The following BCL11B variants were observed in gnomAD, a reference collection of about 807,000 sequenced individuals.
BCL11B encodes B-cell lymphoma/leukemia 11B.
BCL11B carries 8 observed loss-of-function variants against 49.9 expected under a neutral mutation model. The ratio of observed to expected loss-of-function variants is 0.16; its 90% CI spans 0.09 to 0.29. BCL11B has a LOEUF of 0.29. Ranked by LOEUF, BCL11B falls within the 10% of genes least tolerant of loss-of-function variation. The pLI is 1.00. For missense variants in BCL11B, 1,006 were observed against 1,351.0 expected (o/e 0.74, Z 4.00); for synonymous variants, 739 against 637.4 (o/e 1.16, Z -2.40).
rs747274912 is a variant in BCL11B, at chr14:99,228,575, G to A, written c.640+2770C>T. Among the ~76,000 whole-genome samples the A allele has an allele frequency of 4.9e-4, 75 of 152,172 alleles. No individual in the cohort carries two copies. The highest frequency in any genetic ancestry group is 1.0e-3 in the Admixed American group (16 of 15,278). ...GGAACAGGACACTGCCCTTCCTCAC[G>A]TCCCTCCCAGAGCACTGCAATCAAG... On this transcript the variant is annotated intron_variant, in intron 3 of 3. Transcript: ENST00000357195. The surrounding 1 kb of genome is among the most constrained non-coding windows in gnomAD (Gnocchi z 4.8).
rs562504229 is a variant in BCL11B at position 99,182,279 on chromosome 14, C to T, written c.641-6084G>A. Among the ~76,000 whole-genome samples the T allele has an allele frequency of 1.3e-4, 20 of 152,302 alleles. No individual in the cohort carries two copies. In the South Asian group the frequency reaches 3.7e-3, roughly 28 times the overall value. Reference sequence around the variant, plus strand: ...CTCCAACAACCCCTGCAGTACCCACCGTCATGATGACCATTTTACAGATGA... The same window carrying T: ...CTCCAACAACCCCTGCAGTACCCACTGTCATGATGACCATTTTACAGATGA... On this transcript the variant is annotated intron_variant, in intron 3 of 3. Transcript: ENST00000357195.
At chr14:99,230,211 A>G (rs774458439) in intron 3 of BCL11B, among the ~76,000 whole-genome samples, 1 of 152,204 alleles carries the variant, frequency 6.6e-6, no homozygotes, top group Non-Finnish European at 1.5e-5. Flanking sequence ...AGCTGTGGCC[A>G]TGGCTTTTGC....
chr14:99,214,956 T>G (rs1452534692), intron 3 of BCL11B, among the ~76,000 whole-genome samples: 1 of 151,760 alleles, frequency 6.6e-6, no homozygotes, highest in African/African-American at 2.4e-5. Context: ...CATGCAGGGG[T>G]GGGGGATGCG....
intron 2 of BCL11B, among the ~76,000 whole-genome samples, chr14:99,253,213 C>T (rs1274273261): frequency 1.3e-5 from 2 of 152,248 alleles, no homozygotes; most frequent in Non-Finnish European, 2.9e-5. Context: ...AAAGCCTGTG[C>T]TCCCTCACCT....
rs1400715470 is a variant in BCL11B at position 99,199,652 on chromosome 14, G to C, written c.641-23457C>G. On this transcript the variant is annotated intron_variant, in intron 3 of 3. Transcript: ENST00000357195. ...TTCTGGCTAAATGCTGTGTGTGTGT[G>C]TGTGTGTGTGTGTGTGTGTGTGTGT... Among the ~76,000 whole-genome samples, 103 of 79,298 alleles carry C rather than the reference G, an allele frequency of 1.3e-3. 1 individual carries two copies. Among genetic ancestry groups the C allele is most frequent in the South Asian group, 3.3e-3 (10 of 3,040 alleles). 52.0% of individuals were successfully genotyped at this position (79,298 alleles called of 152,430 possible).
In BCL11B at chr14:99,231,770, G is replaced by A. The variant is rs1030625519; in HGVS notation, c.428-213C>T. Among the ~76,000 whole-genome samples, 52 of 152,102 alleles carry A rather than the reference G, an allele frequency of 3.4e-4. No individual in the cohort carries two copies. Among genetic ancestry groups the A allele is most frequent in the Middle Eastern group, 3.4e-3 (1 of 294 alleles). ...GGGCAGGGGGCACTGGGGAGGGCCC[G>A]GTTTCCACAGCTGCCAGGCTGGGCT... On this transcript the variant is annotated intron_variant, in intron 2 of 3. Transcript: ENST00000357195. This position sits in a 1 kb window ranked among gnomAD's most constrained non-coding sequence, Gnocchi z 8.1.
rs1329999316 is a variant in BCL11B at position 99,194,641 on chromosome 14, G to A, written c.641-18446C>T. On this transcript the variant is annotated intron_variant, in intron 3 of 3. Coordinates refer to ENST00000357195, the MANE Select transcript of BCL11B (RefSeq NM_138576.4). The surrounding 1 kb of genome is among the most constrained non-coding windows in gnomAD (Gnocchi z 4.6). ...CCTTGTCTGCAAAATGGCCCCCAGA[G>A]GAAGCTAATATTTTCCCTGTCACTC... Among the ~76,000 whole-genome samples the A allele has an allele frequency of 6.6e-6, 1 of 152,224 alleles. No homozygotes were observed. Among genetic ancestry groups the A allele is most frequent in the African/African-American group, 2.4e-5 (1 of 41,464 alleles).
Position 99,175,705 on chromosome 14 carries a change from C to A in BCL11B, c.1131G>T (p.Pro377=), listed in dbSNP as rs754605021. 2.7e-6 allele frequency: 4 copies of A among 1,500,716 alleles called. No homozygotes were observed. The South Asian group carries it at 3.9e-5, about 15-fold the overall frequency. 93.0% of individuals were successfully genotyped at this position (1,500,716 alleles called of 1,614,324 possible). A position where few individuals can be genotyped will look rare whatever the true frequency, so the allele number is the denominator to read the frequency against. Reference sequence around the variant, plus strand: ...TGCCGCGGCCCGGGGACACGGGCGGCGGCGTGGAGCTGTTGCCCGCCAGCT... The same window carrying A: ...TGCCGCGGCCCGGGGACACGGGCGGAGGCGTGGAGCTGTTGCCCGCCAGCT... ...LRELAGNSST[P]PPVSPGRGNP... Residue 377 remains proline, a synonymous_variant, in exon 4 of 4, where the codon CCG becomes CCT. Coordinates refer to ENST00000357195, the MANE Select transcript of BCL11B (RefSeq NM_138576.4).
intron 3 of BCL11B, among the ~76,000 whole-genome samples, chr14:99,212,420 T>G (rs538739872): frequency 2.0e-5 from 3 of 152,118 alleles, no homozygotes; most frequent in Non-Finnish European, 4.4e-5. Context: ...TCTGGCCACA[T>G]TGGGTGTCTG....
intron 3 of BCL11B, among the ~76,000 whole-genome samples, chr14:99,206,957 G>A (rs1182247920): frequency 6.6e-6 from 1 of 152,110 alleles, no homozygotes; most frequent in Non-Finnish European, 1.5e-5. Flanking sequence ...ATAGATAAAG[G>A]CCCGGTCTTA....
intron 3 of BCL11B, among the ~76,000 whole-genome samples, chr14:99,203,478 G>A (rs1887444369): frequency 6.6e-6 from 1 of 152,208 alleles, no homozygotes; most frequent in South Asian, 2.1e-4. Context: ...GAAAGGAAAG[G>A]TGCACCACGT....
intron 2 of BCL11B, among the ~76,000 whole-genome samples, chr14:99,234,855 CAAAAAA>C (rs34831762): frequency 1.4e-4 from 9 of 66,634 alleles, no homozygotes; most frequent in African/African-American, 4.9e-4. Context: ...GGTCTATGCA[CAAAAAA>C]AAAAAAAAAA....
rs145479367 is a variant in BCL11B at position 99,185,532 on chromosome 14, C to A, written c.641-9337G>T. Among the ~76,000 whole-genome samples, 173 of 151,688 alleles carry A rather than the reference C, an allele frequency of 1.1e-3. 3 individuals are homozygous for A. The highest frequency in any genetic ancestry group is 3.8e-3 in the African/African-American group (157 of 41,052). On this transcript the variant is annotated intron_variant, in intron 3 of 3. Transcript: ENST00000357195. Reference sequence around the variant, plus strand: ...TGCCCAGGCCAAGGAGGGAAAGGTCCGCAAGGTAGGGAGCTGTGTGAGCAC... The same window carrying A: ...TGCCCAGGCCAAGGAGGGAAAGGTCAGCAAGGTAGGGAGCTGTGTGAGCAC...
chr14:99,220,819 G>T (rs1887986385), intron 3 of BCL11B, among the ~76,000 whole-genome samples: 1 of 152,124 alleles, frequency 6.6e-6, no homozygotes, highest in Non-Finnish European at 1.5e-5. Context: ...ACAGCACACA[G>T]TGGACCCTTG....
chr14:99,249,384 C>T (rs1262609303), intron 2 of BCL11B, among the ~76,000 whole-genome samples: 1 of 152,176 alleles, frequency 6.6e-6, no homozygotes, highest in Non-Finnish European at 1.5e-5. Flanking sequence ...GCTGCACCTA[C>T]CAACCCATCG....
At chr14:99,235,766 C>G (rs1888479664) in intron 2 of BCL11B, among the ~76,000 whole-genome samples, 1 of 151,670 alleles carries the variant, frequency 6.6e-6, no homozygotes, top group African/African-American at 2.4e-5. Flanking sequence ...CAGCAAGCCA[C>G]AAGGACTGTT....
At chr14:99,183,445 G>C (rs1397102867) in intron 3 of BCL11B, among the ~76,000 whole-genome samples, 1 of 152,022 alleles carries the variant, frequency 6.6e-6, no homozygotes, top group Non-Finnish European at 1.5e-5. Flanking sequence ...TGCACTTCAG[G>C]ACTGCCAGCG....
intron 2 of BCL11B, among the ~76,000 whole-genome samples, chr14:99,245,885 A>G (rs1264419622): frequency 6.6e-6 from 1 of 150,478 alleles, no homozygotes; most frequent in Non-Finnish European, 1.5e-5. Flanking sequence ...CTGCCAGGGA[A>G]GGGGGCTGGC....
intron 3 of BCL11B, among the ~76,000 whole-genome samples, chr14:99,214,668 A>T (rs527401623): frequency 4.0e-4 from 60 of 151,312 alleles, no homozygotes; most frequent in South Asian, 6.2e-4. Flanking sequence ...TTTAAATATT[A>T]AAAAAATAAA....
Sources: gnomAD v4.1 joint callset for allele counts (sites outside exome capture counted in the v4.1 genomes callset) on GRCh38, gnomAD v4.1.1 for gene constraint, Gnocchi (gnomAD v3.1) non-coding constraint, MANE v1.5 for transcripts, NCBI Gene and HGNC (gene_info 2026-07-23, HGNC 2026-07-21) for gene names.